The following NRXN1 variants were observed in gnomAD, a reference collection of about 807,000 sequenced individuals.
NRXN1 encodes neurexin 1.
A neutral mutation model predicts 150.9 loss-of-function variants in NRXN1; 39 were observed. That is an observed-to-expected ratio of 0.26 (90% CI 0.20 to 0.34). The LOEUF (loss-of-function observed/expected upper bound fraction) is 0.34. NRXN1 is among the 10% of genes least tolerant of loss of function. The pLI, the probability that NRXN1 is intolerant of heterozygous loss-of-function variation, is 1.00. For synonymous variants in NRXN1, 924 were observed against 757.0 expected, an observed-to-expected ratio of 1.22 and a Z score of -3.62; for missense variants, 1,815 against 1,949.9, an observed-to-expected ratio of 0.93 and a Z score of 1.30.
intron 21 of NRXN1, chr2:49,974,275 C>G: frequency 3.4e-6 from 2 of 581,820 alleles, no homozygotes; most frequent in South Asian, 1.7e-5. Context: ...GCTGCAGTTC[C>G]GTCTGCAGTT....
chr2:50,158,409 T>C (rs1248060964), intron 18 of NRXN1, among the ~76,000 whole-genome samples: 1 of 151,714 alleles, frequency 6.6e-6, no homozygotes, highest in African/African-American at 2.4e-5. Context: ...CTTACAAGCA[T>C]TTACTTCATA....
rs571680624 is a variant in NRXN1, at chr2:50,411,358, C to T, written c.3364+54084G>A. Among the ~76,000 whole-genome samples, 10 of 152,210 alleles carry T rather than the reference C, an allele frequency of 6.6e-5. No homozygotes were observed. In the South Asian group the frequency reaches 2.1e-3, roughly 32 times the overall value. ...TGTTGCCCAGGCTGGAGTGCAGTGG[C>T]GTGATCTCGGCTCGCTACAACCTCC... On this transcript the variant is annotated intron_variant, in intron 17 of 22. Transcript: ENST00000401669.
At chr2:50,434,314 C>G (rs2085247679) in intron 17 of NRXN1, among the ~76,000 whole-genome samples, 1 of 151,838 alleles carries the variant, frequency 6.6e-6, no homozygotes, top group Non-Finnish European at 1.5e-5. Context: ...GATCTCCTGA[C>G]CTCGTGATCC....
chr2:50,746,123 C>T (rs1016795008), intron 5 of NRXN1, among the ~76,000 whole-genome samples: 3 of 151,942 alleles, frequency 2.0e-5, no homozygotes, highest in Admixed American at 1.3e-4. Flanking sequence ...TCAGTTTTGC[C>T]GTAGAAAAAT....
chr2:50,009,219 G>A (rs569256887), intron 21 of NRXN1, among the ~76,000 whole-genome samples: 1 of 152,146 alleles, frequency 6.6e-6, no homozygotes, highest in South Asian at 2.1e-4. Context: ...ATGATCCCTT[G>A]TCATGAATGG....
At position 50,212,135 on chromosome 2, in the gene NRXN1, G is replaced by A. The variant is rs144068332; in HGVS notation, c.3546+24654C>T. On this transcript the variant is annotated intron_variant, in intron 18 of 22. Transcript: ENST00000401669. Reference sequence around the variant, plus strand: ...AAGCATGGGATTCACTGAATATGAAGTATATTTTTCCAAATTTATAATTGA... The same window carrying A: ...AAGCATGGGATTCACTGAATATGAAATATATTTTTCCAAATTTATAATTGA... Among the ~76,000 whole-genome samples, 114 of 151,736 alleles carry A rather than the reference G, an allele frequency of 7.5e-4. 2 individuals carry two copies. The East Asian group carries it at 0.02, about 26-fold the overall frequency.
intron 17 of NRXN1, among the ~76,000 whole-genome samples, chr2:50,344,576 C>T (rs1159647034): frequency 6.6e-6 from 1 of 152,174 alleles, no homozygotes; most frequent in Non-Finnish European, 1.5e-5. Flanking sequence ...CTATCCTATT[C>T]TTTCTCTTTT....
chr2:50,238,941 T>C (rs543692941), intron 17 of NRXN1, among the ~76,000 whole-genome samples: 10 of 152,092 alleles, frequency 6.6e-5, no homozygotes, highest in South Asian at 6.2e-4. Flanking sequence ...CAGATACCAA[T>C]GCATGAAAAC....
chr2:50,650,801 T>C (rs1339180748), intron 5 of NRXN1, among the ~76,000 whole-genome samples: 3 of 152,192 alleles, frequency 2.0e-5, no homozygotes, highest in African/African-American at 7.2e-5. Context: ...TGTTGACTTT[T>C]AAACCAAAAA....
Position 51,008,351 on chromosome 2 carries a change from T to C in NRXN1, c.772+19151A>G, listed in dbSNP as rs1012034606. ...GCTATTCTGAAGCTGTGAGTGGCGA[T>C]GGTGAAGGCAGATGAGAAAGCATGA... On this transcript the variant is annotated intron_variant, in intron 2 of 22. Transcript: ENST00000401669. Among the ~76,000 whole-genome samples, 13 of 152,022 alleles carry C rather than the reference T, an allele frequency of 8.6e-5. No homozygotes were observed. The South Asian group carries it at 1.4e-3, about 17-fold the overall frequency.
At chr2:50,823,305 C>A (rs575233853) in intron 5 of NRXN1, among the ~76,000 whole-genome samples, 6 of 152,198 alleles carry the variant, frequency 3.9e-5, no homozygotes, top group African/African-American at 1.4e-4. Context: ...CTACCTGTGA[C>A]CCTAGGCCAT....
intron 2 of NRXN1, among the ~76,000 whole-genome samples, chr2:50,981,183 G>T (rs536833191): frequency 6.6e-6 from 1 of 151,816 alleles, no homozygotes; most frequent in South Asian, 2.1e-4. Context: ...CTGTCTCGGC[G>T]TAGTGGCTCA....
intron 17 of NRXN1, among the ~76,000 whole-genome samples, chr2:50,441,770 C>T (rs912489368): frequency 8.6e-5 from 13 of 151,794 alleles, no homozygotes; most frequent in Non-Finnish European, 1.3e-4. Flanking sequence ...TTAAAAATAT[C>T]GAAAAAATAA....
At chr2:50,020,749 A>C (rs1687442061) in intron 21 of NRXN1, among the ~76,000 whole-genome samples, 1 of 152,230 alleles carries the variant, frequency 6.6e-6, no homozygotes, top group South Asian at 2.1e-4. Flanking sequence ...AAACATAAAT[A>C]AAAAGAAATT....
rs1574939842 is a variant in NRXN1, at chr2:50,922,535, A to G, written c.820+123T>C. The G allele has an allele frequency of 6.8e-6, 6 of 886,086 alleles. No individual in the cohort carries two copies. The East Asian group carries it at 1.3e-4, about 19-fold the overall frequency. The allele number at this position is 886,086 out of a possible 1,614,324, so 54.9% of individuals were successfully genotyped here. On this transcript the variant is annotated intron_variant, in intron 4 of 22. Transcript: ENST00000401669. ...ACATGAAAAAATGTGAACAAAAGAT[A>G]TGTATTTAATTTGCAGCCATATAAT... is the stretch of plus-strand genomic sequence containing the variant.
chr2:50,833,659 C>A (rs74812365), intron 5 of NRXN1, among the ~76,000 whole-genome samples: 6,343 of 152,194 alleles, frequency 0.042, 472 homozygotes, highest in African/African-American at 0.15. Flanking sequence ...AAGAGTATAT[C>A]TACAAAAGGA....
At chr2:49,954,957 T>A (rs534341016) in intron 21 of NRXN1, among the ~76,000 whole-genome samples, 1 of 152,324 alleles carries the variant, frequency 6.6e-6, no homozygotes, top group South Asian at 2.1e-4. Context: ...ACCTGGCTTA[T>A]ATTCTTAAAG....
At chr2:50,587,991 C>T (rs1279918924) in intron 8 of NRXN1, among the ~76,000 whole-genome samples, 1 of 151,976 alleles carries the variant, frequency 6.6e-6, no homozygotes, top group Non-Finnish European at 1.5e-5. Context: ...TTTGTGAGTG[C>T]CTATTATATT....
intron 17 of NRXN1, among the ~76,000 whole-genome samples, chr2:50,243,148 A>C (rs1039150413): frequency 2.6e-5 from 4 of 151,772 alleles, no homozygotes; most frequent in African/African-American, 9.7e-5. Flanking sequence ...GTAAATTTCA[A>C]AATAGCTAGG....
Sources: allele counts gnomAD v4.1 joint callset (sites outside exome capture counted in the v4.1 genomes callset), GRCh38; gene constraint gnomAD v4.1.1; transcripts MANE v1.5; gene names NCBI Gene and HGNC (gene_info 2026-07-23, HGNC 2026-07-21).